The following IGF2BP3 variants were observed in gnomAD, a reference collection of about 807,000 sequenced individuals.
IGF2BP3 encodes insulin-like growth factor 2 mRNA-binding protein 3.
In IGF2BP3, 9 loss-of-function variants were observed where a neutral mutation model predicts 73.8. The observed-to-expected ratio is 0.12, with a 90% confidence interval of 0.07 to 0.21. The LOEUF is 0.21. IGF2BP3 is among the 10% of genes least tolerant of loss of function. The pLI, the probability that IGF2BP3 is intolerant of heterozygous loss-of-function variation, is 1.00. For missense variants in IGF2BP3, 542 were observed against 714.0 expected, an observed-to-expected ratio of 0.76 and a Z score of 2.75; for synonymous variants, 258 against 256.7, an observed-to-expected ratio of 1.01 and a Z score of -0.05.
At chr7:23,354,692 C>T (rs1785048494) in intron 5 of IGF2BP3, among the ~76,000 whole-genome samples, 1 of 152,192 alleles carries the variant, frequency 6.6e-6, no homozygotes, top group Non-Finnish European at 1.5e-5. Flanking sequence ...AAAGATTTTT[C>T]TTTGTGGGGA....
At chr7:23,317,796 G>C in intron 11 of IGF2BP3, 83 bp from the exon 12 acceptor site, 1 of 1,068,582 alleles carries the variant, frequency 9.4e-7, no homozygotes, top group African/African-American at 1.5e-5. Flanking sequence ...ACATTTGCAT[G>C]TGACTGGCTG....
chr7:23,378,409 T>C (rs1042650248), intron 3 of IGF2BP3, among the ~76,000 whole-genome samples: 6 of 148,460 alleles, frequency 4.0e-5, no homozygotes, highest in Non-Finnish European at 8.9e-5. Context: ...TGGTTTTTTT[T>C]TGAGACAGAG....
intron 2 of IGF2BP3, among the ~76,000 whole-genome samples, chr7:23,451,940 A>T (rs1251182927): frequency 2.6e-4 from 16 of 60,540 alleles, no homozygotes; most frequent in African/African-American, 1.2e-3. Context: ...AGAGCAAGAT[A>T]AAAAAAAAAA....
intron 2 of IGF2BP3, among the ~76,000 whole-genome samples, chr7:23,459,724 G>T (rs909368409): frequency 7.2e-5 from 11 of 152,094 alleles, no homozygotes; most frequent in Middle Eastern, 3.4e-3. Flanking sequence ...TCAGTTACTC[G>T]GGAGGCTGAG....
At chr7:23,314,157 A>G (rs1477883433) in intron 12 of IGF2BP3, among the ~76,000 whole-genome samples, 1 of 149,362 alleles carries the variant, frequency 6.7e-6, no homozygotes, top group Non-Finnish European at 1.5e-5. Flanking sequence ...GTAGCAGACT[A>G]CAGGCATGCA....
intron 3 of IGF2BP3, among the ~76,000 whole-genome samples, chr7:23,371,186 A>G (rs1785531877): frequency 6.6e-6 from 1 of 150,670 alleles, no homozygotes; most frequent in Non-Finnish European, 1.5e-5. Context: ...CACCCTTCCA[A>G]GCACCAAAGC....
At chr7:23,357,822 C>A (rs549874557) in intron 5 of IGF2BP3, among the ~76,000 whole-genome samples, 1 of 152,218 alleles carries the variant, frequency 6.6e-6, no homozygotes, top group African/African-American at 2.4e-5. Context: ...GGAATTTCCA[C>A]GTTAAGTTCT....
chr7:23,393,588 G>T (rs547238983), intron 3 of IGF2BP3, among the ~76,000 whole-genome samples: 6 of 152,322 alleles, frequency 3.9e-5, no homozygotes, highest in African/African-American at 1.4e-4. Context: ...AGGGACAGAT[G>T]AGTGGTCTGG....
At chr7:23,327,977 C>T (rs985774666) in intron 10 of IGF2BP3, among the ~76,000 whole-genome samples, 10 of 152,136 alleles carry the variant, frequency 6.6e-5, no homozygotes, top group African/African-American at 2.4e-4. Flanking sequence ...GGAGGCCATT[C>T]CGTAGGTCAC....
At chr7:23,458,981 T>C in intron 2 of IGF2BP3, among the ~76,000 whole-genome samples, 1 of 152,198 alleles carries the variant, frequency 6.6e-6, no homozygotes. Flanking sequence ...GGCAATGGGT[T>C]CCCATGATTA....
intron 2 of IGF2BP3, among the ~76,000 whole-genome samples, chr7:23,422,358 C>T (rs1193193358): frequency 6.6e-6 from 1 of 152,092 alleles, no homozygotes; most frequent in Non-Finnish European, 1.5e-5. Flanking sequence ...GTAATCCCAG[C>T]CTTTTGGGGG....
At chr7:23,462,633 A>AT (rs1788478850) in intron 2 of IGF2BP3, among the ~76,000 whole-genome samples, 1 of 152,170 alleles carries the variant, frequency 6.6e-6, no homozygotes, top group African/African-American at 2.4e-5. Context: ...AAGTGCTGGG[A>AT]TTACAGGTGT....
chr7:23,367,404 CTA>C (rs1195645695), intron 3 of IGF2BP3, among the ~76,000 whole-genome samples: 2 of 145,138 alleles, frequency 1.4e-5, no homozygotes, highest in African/African-American at 5.5e-5. Context: ...GCTAATCATT[CTA>C]TGTCAGCCAC....
intron 3 of IGF2BP3, among the ~76,000 whole-genome samples, chr7:23,417,825 A>G (rs979141554): frequency 6.6e-6 from 1 of 152,204 alleles, no homozygotes; most frequent in African/African-American, 2.4e-5. Context: ...TTCCATCTAT[A>G]AAGTATATTT....
chr7:23,357,674 A>G (rs1331348941), intron 5 of IGF2BP3, among the ~76,000 whole-genome samples: 1 of 152,266 alleles, frequency 6.6e-6, no homozygotes, highest in Non-Finnish European at 1.5e-5. Context: ...TTTTAATGAA[A>G]CTAATGAAAT....
intron 2 of IGF2BP3, among the ~76,000 whole-genome samples, chr7:23,462,699 AT>A (rs1345810244): frequency 6.6e-6 from 1 of 152,152 alleles, no homozygotes; most frequent in Non-Finnish European, 1.5e-5. Flanking sequence ...CTATTTCCTA[AT>A]CAAGTTATAT....
At position 23,326,098 on chromosome 7, in the gene IGF2BP3, G is replaced by A. The variant is rs529541578; in HGVS notation, c.1204-6844C>T. Among the ~76,000 whole-genome samples the A allele has an allele frequency of 3.5e-4, 54 of 152,182 alleles. No individual in the cohort carries two copies. In the East Asian group the frequency reaches 9.5e-3, roughly 27 times the overall value. On this transcript the variant is annotated intron_variant, in intron 10 of 14. Coordinates refer to ENST00000258729, the MANE Select transcript of IGF2BP3 (RefSeq NM_006547.3). ...AATTAAACTAAAGAGCTTCTGCACA[G>A]CAAAAGAAACTACCATCAGAGTGAA...
At chr7:23,379,049 A>C (rs1483227809) in intron 3 of IGF2BP3, among the ~76,000 whole-genome samples, 1 of 152,216 alleles carries the variant, frequency 6.6e-6, no homozygotes, top group Non-Finnish European at 1.5e-5. Context: ...CTATGGAAGA[A>C]AGCGGACTAG....
chr7:23,394,511 A>C (rs1393414887), intron 3 of IGF2BP3: 1 of 152,288 alleles, frequency 6.6e-6, no homozygotes, highest in Admixed American at 6.5e-5. Context: ...CCATGAGAGA[A>C]AAATAAAGCC....
Sources: allele counts gnomAD v4.1 joint callset (sites outside exome capture counted in the v4.1 genomes callset), GRCh38; gene constraint gnomAD v4.1.1; transcripts MANE v1.5; gene names NCBI Gene and HGNC (gene_info 2026-07-23, HGNC 2026-07-21).